Variants in PDE12 observed in about 807,000 individuals in gnomAD.
The protein encoded by PDE12 is phosphodiesterase 12, also known as 2',5'-phosphodiesterase 12.
PDE12 carries 26 observed loss-of-function variants against 45.4 expected under a neutral mutation model. The ratio of observed to expected loss-of-function variants is 0.57; its 90% CI spans 0.42 to 0.79. PDE12 has a LOEUF of 0.79. Ranked by LOEUF, PDE12 falls within the 30% of genes least tolerant of loss-of-function variation. The pLI, the probability that PDE12 is intolerant of heterozygous loss-of-function variation, is 0.00. For missense variants in PDE12, 668 were observed against 790.0 expected, an observed-to-expected ratio of 0.85 and a Z score of 1.85; for synonymous variants, 283 against 323.9, an observed-to-expected ratio of 0.87 and a Z score of 1.36.
the PDE12 span, among the ~76,000 whole-genome samples, chr3:57,590,522 T>A: frequency 6.6e-6 from 1 of 151,990 alleles, no homozygotes; most frequent in Non-Finnish European, 1.5e-5. Context: ...GATCTCAACT[T>A]TGAGGGAGAA....
chr3:57,561,123 T>G lies in PDE12; in HGVS notation c.*1119T>G. 2 of 985,142 alleles carry G rather than the reference T, an allele frequency of 2.0e-6. No homozygotes were observed. Among genetic ancestry groups the G allele is most frequent in the Non-Finnish European group, 2.4e-6 (2 of 829,294 alleles). 61.0% of individuals were successfully genotyped at this position (985,142 alleles called of 1,614,324 possible). A position where few individuals can be genotyped will look rare whatever the true frequency, so the allele number is the denominator to read the frequency against. ...AAAGTGAGTAGCAACATATTCAACTTGATCCCATTGTCTTCAGTTACTCTT... is the reference window on the plus strand; with the variant it reads ...AAAGTGAGTAGCAACATATTCAACTGGATCCCATTGTCTTCAGTTACTCTT... On this transcript the variant is annotated 3_prime_UTR_variant, in exon 3 of 3. Coordinates refer to ENST00000311180, the MANE Select transcript of PDE12 (RefSeq NM_177966.7).
At chr3:57,575,638 T>C in the PDE12 span, 2 of 1,613,450 alleles carry the variant, frequency 1.2e-6, no homozygotes, top group Admixed American at 1.7e-5. Context: ...TTGCAAAAAG[T>C]AGCAGCACTG....
At chr3:57,599,044 A>G in the PDE12 span, among the ~76,000 whole-genome samples, 11 of 152,204 alleles carry the variant, frequency 7.2e-5, no homozygotes, top group Admixed American at 2.0e-4. Context: ...TCTTGTAGAC[A>G]TGTGCCCAAG....
At position 57,556,707 on chromosome 3, in the gene PDE12, G is replaced by T. The variant is rs1258315776; in HGVS notation, c.328G>T (p.Gly110Trp). The T allele has an allele frequency of 1.3e-6, 2 of 1,596,532 alleles. No homozygotes were observed. Among genetic ancestry groups the T allele is most frequent in the Admixed American group, 3.4e-5 (2 of 59,424 alleles). ...TGCTAGCGGCGGTGCGGCCTGTTCA[G>T]GGCCGGGGCCTGAGCCGGCTGTGTT... ...PNASGGAACSGPGPEPAVFCE... is the reference protein window; with the variant it reads ...PNASGGAACSWPGPEPAVFCE... Residue 110 changes from glycine to tryptophan, a missense_variant, in exon 1 of 3, where the codon GGG (glycine) becomes TGG (tryptophan). Physicochemically the swap from Gly to Trp is radical, Grantham distance 184. Coordinates refer to ENST00000311180, the MANE Select transcript of PDE12 (RefSeq NM_177966.7). The surrounding 1 kb of genome is among the most constrained non-coding windows in gnomAD (Gnocchi z 5.0).
chr3:57,599,871 TAATA>T, the PDE12 span, among the ~76,000 whole-genome samples: 3 of 150,234 alleles, frequency 2.0e-5, no homozygotes, highest in Admixed American at 6.7e-5. Flanking sequence ...TTTTTTTTTT[TAATA>T]AATAAGTGGA....
chr3:57,609,627 A>C, the PDE12 span, among the ~76,000 whole-genome samples: 1 of 152,208 alleles, frequency 6.6e-6, no homozygotes, highest in African/African-American at 2.4e-5. Flanking sequence ...TAAACTAGAA[A>C]ATCTAGAAGA....
the PDE12 span, among the ~76,000 whole-genome samples, chr3:57,573,185 G>A: frequency 1.4e-5 from 2 of 144,366 alleles, no homozygotes; most frequent in East Asian, 2.1e-4. Context: ...CTGGGTGACA[G>A]AGCAAGACTC....
the PDE12 span, among the ~76,000 whole-genome samples, chr3:57,612,246 TG>T: frequency 9.2e-5 from 6 of 65,062 alleles, no homozygotes; most frequent in East Asian, 3.0e-3. Flanking sequence ...TGTTGTGGGG[TG>T]GGGGGAGGGG....
the PDE12 span, chr3:57,628,842 A>G: frequency 1.6e-5 from 25 of 1,612,896 alleles, no homozygotes; most frequent in South Asian, 2.2e-5. Flanking sequence ...GACAAGGTCT[A>G]CTGTTTCTAC....
the PDE12 span, chr3:57,626,068 A>G: frequency 2.0e-5 from 3 of 152,646 alleles, no homozygotes; most frequent in Non-Finnish European, 4.4e-5. Context: ...TTAGCATATA[A>G]AAGTAGTTGC....
At chr3:57,588,714 T>G in the PDE12 span, among the ~76,000 whole-genome samples, 2 of 117,330 alleles carry the variant, frequency 1.7e-5, no homozygotes, top group Non-Finnish European at 3.5e-5. Context: ...CCCAGCATGT[T>G]GGGAGGCTGA....
At chr3:57,579,458 T>C in the PDE12 span, among the ~76,000 whole-genome samples, 2 of 151,888 alleles carry the variant, frequency 1.3e-5, no homozygotes, top group Non-Finnish European at 2.9e-5. Flanking sequence ...TGGCTAATTT[T>C]TGTATTTTTA....
the PDE12 span, among the ~76,000 whole-genome samples, chr3:57,606,319 A>T: frequency 6.6e-6 from 1 of 152,212 alleles, no homozygotes; most frequent in African/African-American, 2.4e-5. Flanking sequence ...GCAGACAAGA[A>T]GTGGAGTAAC....
At position 57,561,170 on chromosome 3, in the gene PDE12, A is replaced by G. The variant is rs1559778378; in HGVS notation, c.*1166A>G. 4.1e-6 allele frequency: 4 copies of G among 984,356 alleles called. No individual in the cohort carries two copies. The South Asian group carries it at 1.9e-4, about 46-fold the overall frequency. 61.0% of individuals were successfully genotyped at this position (984,356 alleles called of 1,614,324 possible). A position where few individuals can be genotyped will look rare whatever the true frequency, so the allele number is the denominator to read the frequency against. On this transcript the variant is annotated 3_prime_UTR_variant, in exon 3 of 3. Transcript: ENST00000311180. Reference sequence around the variant, plus strand: ...TCTTGCCCATGAAAAATGTTCATAAATGAACAGGGTATTTGACCATATGAT... The same window carrying G: ...TCTTGCCCATGAAAAATGTTCATAAGTGAACAGGGTATTTGACCATATGAT...
rs1260870846 is a variant in PDE12, at chr3:57,559,594, G to A, written c.1420G>A (p.Ala474Thr). The change falls in exon 3 of 3, where the codon GCC (alanine) becomes ACC (threonine). Residue 474 changes from alanine (A) to threonine (T), a missense_variant. By Grantham distance (58) the Ala-to-Thr change is moderately conservative (BLOSUM62 0). Transcript: ENST00000311180. ...GYIRLIQMAV[A>T]LAHIRHVSCD... ...TATTCGCCTCATTCAAATGGCAGTA[G>A]CCTTGGCTCACATAAGACATGTTTC... 21 of 1,610,870 alleles carry A rather than the reference G, an allele frequency of 1.3e-5. No homozygotes were observed. Among genetic ancestry groups the A allele is most frequent in the Non-Finnish European group, 1.7e-5 (20 of 1,177,256 alleles).
intron 1 of PDE12, among the ~76,000 whole-genome samples, chr3:57,558,546 G>A (rs950069636): frequency 2.0e-5 from 3 of 148,078 alleles, no homozygotes; most frequent in Admixed American, 2.0e-4. Flanking sequence ...GCTGGAGTAC[G>A]GTGGCGCGAT....
chr3:57,574,375 T>TG, the PDE12 span, among the ~76,000 whole-genome samples: 12 of 151,886 alleles, frequency 7.9e-5, no homozygotes, highest in Non-Finnish European at 1.5e-4. Flanking sequence ...ACTGAATCAC[T>TG]GATCAATGAT....
the PDE12 span, among the ~76,000 whole-genome samples, chr3:57,589,436 A>G: frequency 6.6e-6 from 1 of 151,924 alleles, no homozygotes; most frequent in Non-Finnish European, 1.5e-5. Context: ...TCAAACAAAC[A>G]AGGCCGGGCC....
chr3:57,588,995 G>A, the PDE12 span, among the ~76,000 whole-genome samples: 8 of 152,120 alleles, frequency 5.3e-5, no homozygotes, highest in Admixed American at 3.9e-4. Flanking sequence ...CCAGCTACTC[G>A]GGAGGCTGAG....
Sources: gnomAD v4.1 joint callset for allele counts (sites outside exome capture counted in the v4.1 genomes callset) on GRCh38, gnomAD v4.1.1 for gene constraint, Gnocchi (gnomAD v3.1) non-coding constraint, MANE v1.5 for transcripts, NCBI Gene and HGNC (gene_info 2026-07-23, HGNC 2026-07-21) for gene names.